The following SH3KBP1 variants were observed in gnomAD, a reference collection of about 807,000 sequenced individuals.
The protein encoded by SH3KBP1 is SH3 domain-containing kinase-binding protein 1.
A neutral mutation model predicts 50.1 loss-of-function variants in SH3KBP1; 8 were observed. The observed-to-expected ratio is 0.16, with a 90% CI of 0.09 to 0.29. The LOEUF is 0.29. Among genes scored for constraint, SH3KBP1 ranks in the 10% least tolerant of loss-of-function variants. The probability of loss-of-function intolerance (pLI) is 1.00; values close to 1 mark genes in which losing one functional copy is unlikely to be tolerated. For missense variants in SH3KBP1, 377 were observed against 535.2 expected (o/e 0.70, Z 2.92); for synonymous variants, 227 against 218.6 (o/e 1.04, Z -0.34).
intron 1 of SH3KBP1, among the ~76,000 whole-genome samples, chrX:19,840,735 T>C: frequency 8.9e-6 from 1 of 112,597 alleles, no homozygotes; most frequent in Non-Finnish European, 1.9e-5. Context: ...TACCTCTGGG[T>C]ATGAGCAGAA....
intron 3 of SH3KBP1, among the ~76,000 whole-genome samples, chrX:19,718,139 TACAC>T (rs35514461): frequency 0.02 from 1,794 of 91,010 alleles, 21 homozygotes; most frequent in Non-Finnish European, 0.022. Context: ...ATTTTATAAA[TACAC>T]ACACACACAC....
intron 1 of SH3KBP1, among the ~76,000 whole-genome samples, chrX:19,838,886 C>CAAAAAAAAAAAAA (rs1187740894): frequency 2.7e-4 from 8 of 29,868 alleles, no homozygotes; most frequent in East Asian, 9.1e-4. Flanking sequence ...AACTTTGTCT[C>CAAAAAAAAAAAAA]AAAAAAAAAA....
chrX:19,758,656 A>C (rs1019898642), intron 2 of SH3KBP1, among the ~76,000 whole-genome samples: 1 of 111,634 alleles, frequency 9.0e-6, no homozygotes. Context: ...AGTACCCCCA[A>C]CACAGGAACT....
chrX:19,684,120 A>C, intron 5 of SH3KBP1, 92 bp from the exon 6 acceptor site: 1 of 678,619 alleles, frequency 1.5e-6, no homozygotes, highest in Non-Finnish European at 2.3e-6. Context: ...CCACCTCTAA[A>C]AGTGTGACTG....
chrX:19,544,514 G>A (rs112965032), intron 15 of SH3KBP1, among the ~76,000 whole-genome samples: 5,972 of 110,789 alleles, frequency 0.054, 179 homozygotes, highest in Non-Finnish European at 0.087. Flanking sequence ...CTGAAGATTC[G>A]CACTCTCCTG....
intron 2 of SH3KBP1, among the ~76,000 whole-genome samples, chrX:19,832,223 C>G (rs1438392690): frequency 8.9e-6 from 1 of 111,893 alleles, no homozygotes; most frequent in Non-Finnish European, 1.9e-5. Flanking sequence ...CTAGAGGACA[C>G]CTGAGCAGGT....
intron 1 of SH3KBP1, among the ~76,000 whole-genome samples, chrX:19,837,687 C>T (rs1007050728): frequency 8.2e-5 from 9 of 109,850 alleles, no homozygotes; most frequent in Admixed American, 2.9e-4. Context: ...ATGATCTGCC[C>T]GCCTCGGCTT....
intron 8 of SH3KBP1, among the ~76,000 whole-genome samples, chrX:19,617,834 A>C (rs1314162929): frequency 8.9e-6 from 1 of 112,188 alleles, no homozygotes; most frequent in African/African-American, 3.2e-5. Context: ...CCCTACCCTC[A>C]CAGCACATAG....
Position 19,873,764 on chromosome X carries a change from T to C in SH3KBP1, c.4+13543A>G, listed in dbSNP as rs748087204. ...AGAGGAGTTCATAAGAAAAAAGAAA[T>C]AGTGCCAGGCACAGTGGCTCACACC... On this transcript the variant is annotated intron_variant, in intron 1 of 17. Coordinates refer to ENST00000397821, the MANE Select transcript of SH3KBP1 (RefSeq NM_031892.3). 2.9e-5 allele frequency among the ~76,000 whole-genome samples: 3 copies of C among 103,650 alleles called. No individual in the cohort carries two copies. The East Asian group carries it at 9.4e-4, about 32-fold the overall frequency. 90.0% of individuals were successfully genotyped at this position (103,650 alleles called of 115,157 possible).
chrX:19,835,820 G>C (rs2068043893), intron 2 of SH3KBP1, among the ~76,000 whole-genome samples: 1 of 108,742 alleles, frequency 9.2e-6, no homozygotes, highest in Non-Finnish European at 1.9e-5. Context: ...CCGACCTCAA[G>C]TGATCCGCCC....
At chrX:19,837,648 C>T (rs1603274207) in intron 1 of SH3KBP1, among the ~76,000 whole-genome samples, 1 of 108,952 alleles carries the variant, frequency 9.2e-6, no homozygotes, top group Non-Finnish European at 1.9e-5. Context: ...ACCATGTTGG[C>T]CAGGCTGGTC....
chrX:19,638,492 T>C (rs369002629), intron 7 of SH3KBP1, among the ~76,000 whole-genome samples: 2 of 109,979 alleles, frequency 1.8e-5, no homozygotes, highest in East Asian at 5.7e-4. Context: ...GGAGAGCTTG[T>C]AAAAATAGAT....
intron 7 of SH3KBP1, among the ~76,000 whole-genome samples, chrX:19,642,697 T>G (rs2061888040): frequency 1.8e-5 from 2 of 112,001 alleles, no homozygotes; most frequent in Admixed American, 1.9e-4. Flanking sequence ...TGGAGGAACC[T>G]CAGGGCACTT....
intron 2 of SH3KBP1, among the ~76,000 whole-genome samples, chrX:19,815,870 T>C (rs1254717746): frequency 1.8e-5 from 2 of 112,396 alleles, no homozygotes; most frequent in Non-Finnish European, 3.8e-5. Flanking sequence ...TTCCATGGTA[T>C]GGTTGGACCG....
intron 12 of SH3KBP1, 121 bp from the exon 13 acceptor site, chrX:19,569,309 G>T: frequency 1.6e-6 from 1 of 624,334 alleles, no homozygotes; most frequent in Non-Finnish European, 2.6e-6. Flanking sequence ...ACTGTTGCCT[G>T]TGAGGGAGCC....
At chrX:19,552,681 C>G (rs1383408111) in intron 13 of SH3KBP1, among the ~76,000 whole-genome samples, 1 of 110,396 alleles carries the variant, frequency 9.1e-6, no homozygotes, top group Non-Finnish European at 1.9e-5. Flanking sequence ...GCTTCTCCAA[C>G]TCAGCTGCAC....
intron 2 of SH3KBP1, among the ~76,000 whole-genome samples, chrX:19,748,653 T>C (rs2064986767): frequency 9.0e-6 from 1 of 111,569 alleles, no homozygotes; most frequent in Non-Finnish European, 1.9e-5. Context: ...CTAAAATATG[T>C]CTTGCATTTT....
chrX:19,657,381 A>C (rs2062310516), intron 6 of SH3KBP1, among the ~76,000 whole-genome samples: 1 of 59,010 alleles, frequency 1.7e-5, no homozygotes, highest in East Asian at 3.3e-4. Flanking sequence ...TCCTGCCTCG[A>C]AAAAAAAAAA....
At chrX:19,765,497 T>C (rs2065577794) in intron 2 of SH3KBP1, among the ~76,000 whole-genome samples, 1 of 111,501 alleles carries the variant, frequency 9.0e-6, no homozygotes, top group Non-Finnish European at 1.9e-5. Flanking sequence ...CTCTGACCTC[T>C]GCTTCTATCA....
Sources: allele counts gnomAD v4.1 joint callset (sites outside exome capture counted in the v4.1 genomes callset), GRCh38; gene constraint gnomAD v4.1.1; transcripts MANE v1.5; gene names NCBI Gene and HGNC (gene_info 2026-07-23, HGNC 2026-07-21).